Variants in NUP160 observed in about 807,000 individuals in gnomAD.
The protein encoded by NUP160 is nuclear pore complex protein Nup160.
A neutral mutation model predicts 196.9 loss-of-function variants in NUP160; 94 were observed. The ratio of observed to expected loss-of-function variants is 0.48; its 90% CI spans 0.40 to 0.57. The LOEUF (loss-of-function observed/expected upper bound fraction) is 0.57. Among genes scored for constraint, NUP160 ranks in the 20% least tolerant of loss-of-function variants. The pLI, the probability that NUP160 is intolerant of heterozygous loss-of-function variation, is 0.00. For missense variants in NUP160, 1,638 were observed against 1,748.3 expected (o/e 0.94, Z 1.13); for synonymous variants, 605 against 619.7 (o/e 0.98, Z 0.35).
At chr11:47,791,889 C>G (rs752013750) in intron 29 of NUP160, 41 bp downstream of exon 29, 2 of 1,287,792 alleles carry the variant, frequency 1.6e-6, no homozygotes, top group South Asian at 1.2e-5. Flanking sequence ...AACAACATTA[C>G]TACTGTCTAG....
At chr11:47,806,850 C>CATAT (rs1163911031) in intron 19 of NUP160, among the ~76,000 whole-genome samples, 5 of 113,616 alleles carry the variant, frequency 4.4e-5, no homozygotes, top group African/African-American at 6.7e-5. Flanking sequence ...CACACACACA[C>CATAT]ACATATATAT....
chr11:47,840,425 TTTGA>T lies in NUP160; in HGVS notation c.474_477del (p.Asn158LysfsTer20). On this transcript the variant is annotated frameshift_variant, in exon 3 of 36. Coordinates refer to ENST00000378460, the Ensembl canonical transcript of NUP160. LOFTEE classifies it high-confidence loss of function. ...TGTGGTAAAAGTAACCTGTGCACTG[TTTGA>T]TTGGTTAACATCAAGATTATCACAC... The T allele has an allele frequency of 1.2e-6, 2 of 1,614,182 alleles. No individual in the cohort carries two copies. The highest frequency in any genetic ancestry group is 1.7e-6 in the Non-Finnish European group (2 of 1,180,022).
At chr11:47,847,789 C>T (rs1852428725) in intron 2 of NUP160, 59 bp downstream of exon 2, 1 of 1,234,154 alleles carries the variant, frequency 8.1e-7, no homozygotes, top group Admixed American at 1.7e-5. Flanking sequence ...GGTACAGCGA[C>T]GAAAATTTAT....
At chr11:47,809,280 T>C (rs1277389332) in intron 17 of NUP160, among the ~76,000 whole-genome samples, 1 of 124,008 alleles carries the variant, frequency 8.1e-6, no homozygotes, top group African/African-American at 2.9e-5. Context: ...AAAAAAAGAA[T>C]TGAAGAGACA....
At chr11:47,845,388 C>T (rs1480000641) in intron 2 of NUP160, among the ~76,000 whole-genome samples, 1 of 152,206 alleles carries the variant, frequency 6.6e-6, no homozygotes, top group Non-Finnish European at 1.5e-5. Flanking sequence ...GATCCACCTG[C>T]CTCGGCCTCC....
chr11:47,782,924 G>A, intron 34 of NUP160, 149 bp downstream of exon 34: 1 of 690,194 alleles, frequency 1.4e-6, no homozygotes. Context: ...CTCCCAAAGT[G>A]CTGGGATTAT....
chr11:47,810,405 G>A (rs1379333676), intron 17 of NUP160, among the ~76,000 whole-genome samples: 1 of 151,840 alleles, frequency 6.6e-6, no homozygotes, highest in Non-Finnish European at 1.5e-5. Context: ...TGCCCAGACT[G>A]GTCTCAAACT....
chr11:47,841,265 GC>G, intron 2 of NUP160: 1 of 262,480 alleles, frequency 3.8e-6, no homozygotes, highest in Non-Finnish European at 8.1e-6. Context: ...GGAGCAAGGA[GC>G]CACTGGCAGC....
chr11:47,808,213 G>A (rs986911594), intron 18 of NUP160, among the ~76,000 whole-genome samples, 183 bp downstream of exon 18: 3 of 152,126 alleles, frequency 2.0e-5, no homozygotes, highest in Admixed American at 6.6e-5. Flanking sequence ...CCTGGGAGGC[G>A]GAGGTTGCAG....
At chr11:47,808,769 A>C (rs898186981) in intron 17 of NUP160, among the ~76,000 whole-genome samples, 20 of 152,122 alleles carry the variant, frequency 1.3e-4, no homozygotes. Context: ...GAAACCAACA[A>C]TAAAAAGCTT....
chr11:47,812,463 C>T (rs758413318), intron 15 of NUP160, 34 bp from the exon 16 acceptor site: 60 of 1,595,546 alleles, frequency 3.8e-5, no homozygotes, highest in Non-Finnish European at 4.5e-5. Flanking sequence ...TTATTACTAC[C>T]GAGAATACGT....
chr11:47,847,893 T>C, exon 2 of NUP160: 2 of 1,614,116 alleles, frequency 1.2e-6, no homozygotes, highest in Non-Finnish European at 1.7e-6. Flanking sequence ...CTTGCCACTC[T>C]CCACGTAGTA....
intron 22 of NUP160, among the ~76,000 whole-genome samples, chr11:47,803,106 C>T (rs1432811503): frequency 6.7e-6 from 1 of 150,266 alleles, no homozygotes; most frequent in African/African-American, 2.4e-5. Flanking sequence ...TCGCTTGAGT[C>T]CAGCCTGTGC....
intron 34 of NUP160, among the ~76,000 whole-genome samples, chr11:47,782,313 T>A (rs1339633213): frequency 0.11 from 832 of 7,578 alleles, 171 homozygotes; most frequent in African/African-American, 0.41. Context: ...AATATATATA[T>A]ATATATATAT....
At chr11:47,847,821 G>A (rs755571352) in intron 2 of NUP160, 27 bp downstream of exon 2, 42 of 1,502,098 alleles carry the variant, frequency 2.8e-5, no homozygotes, top group Admixed American at 2.2e-4. Flanking sequence ...TACCTTCCAG[G>A]GGAGTTTGGC....
intron 7 of NUP160, among the ~76,000 whole-genome samples, chr11:47,826,575 T>C (rs1465708631): frequency 6.7e-6 from 1 of 149,906 alleles, no homozygotes; most frequent in East Asian, 2.1e-4. Flanking sequence ...CCCCCCTTTT[T>C]TTTTTGAGAC....
At chr11:47,808,245 C>T in intron 18 of NUP160, 151 bp downstream of exon 18, 1 of 625,052 alleles carries the variant, frequency 1.6e-6, no homozygotes, top group Admixed American at 3.0e-5. Context: ...CATGCCATTG[C>T]ACTCCGGCCT....
intron 11 of NUP160, among the ~76,000 whole-genome samples, chr11:47,817,060 T>A (rs1236726804): frequency 6.6e-6 from 1 of 151,590 alleles, no homozygotes; most frequent in Non-Finnish European, 1.5e-5. Context: ...ACCATACCCT[T>A]TACCTCCTGG....
chr11:47,793,746 T>G (rs1599310298), intron 27 of NUP160, among the ~76,000 whole-genome samples: 2 of 141,396 alleles, frequency 1.4e-5, no homozygotes, highest in Admixed American at 7.1e-5. Context: ...TTTTTTTTTT[T>G]TTTTTTTTTT....
Sources: allele counts gnomAD v4.1 joint callset (sites outside exome capture counted in the v4.1 genomes callset), GRCh38; gene constraint gnomAD v4.1.1; transcripts MANE v1.5; gene names NCBI Gene and HGNC (gene_info 2026-07-23, HGNC 2026-07-21).